The following ZMYM5 variants were observed in gnomAD, a reference collection of about 807,000 sequenced individuals.
ZMYM5 encodes the protein zinc finger MYM-type containing 5.
Under a neutral mutation model 61.8 loss-of-function variants are expected in ZMYM5, and 41 were observed. The ratio of observed to expected loss-of-function variants is 0.66; its 90% CI spans 0.52 to 0.86. The LOEUF is 0.86. Ranked by LOEUF, ZMYM5 falls within the 40% of genes least tolerant of loss-of-function variation. ZMYM5 has a pLI of 0.00. For missense variants in ZMYM5, 706 were observed against 786.7 expected (o/e 0.90, Z 1.23); for synonymous variants, 257 against 276.4 (o/e 0.93, Z 0.70).
At chr13:19,841,115 C>T (rs1326161333) in intron 4 of ZMYM5, among the ~76,000 whole-genome samples, 1 of 151,848 alleles carries the variant, frequency 6.6e-6, no homozygotes, top group Non-Finnish European at 1.5e-5. Context: ...CAGGAGCACG[C>T]CACCACACCT....
At chr13:19,829,638 C>G (rs1191868959) in intron 7 of ZMYM5, among the ~76,000 whole-genome samples, 1 of 152,066 alleles carries the variant, frequency 6.6e-6, no homozygotes, top group Non-Finnish European at 1.5e-5. Context: ...AGGAGGAGTA[C>G]AGTGGCTATT....
chr13:19,845,774 G>A (rs2138578132), intron 4 of ZMYM5, among the ~76,000 whole-genome samples: 1 of 152,184 alleles, frequency 6.6e-6, no homozygotes, highest in African/African-American at 2.4e-5. Context: ...AGAATTTCTG[G>A]GCCAGCTTTC....
At chr13:19,837,464 T>C (rs965388236) in intron 6 of ZMYM5, 192 bp downstream of exon 6, 4 of 1,572,856 alleles carry the variant, frequency 2.5e-6, no homozygotes, top group African/African-American at 1.4e-5. Context: ...GTACTTTCCA[T>C]GCTATGCAAA....
chr13:19,837,317 C>G, intron 6 of ZMYM5: 1 of 838,946 alleles, frequency 1.2e-6, no homozygotes, highest in Non-Finnish European at 1.6e-6. Flanking sequence ...CCACGTCCGG[C>G]CCCAAGGGGT....
chr13:19,837,482 T>C, intron 6 of ZMYM5, 174 bp downstream of exon 6: 2 of 1,580,094 alleles, frequency 1.3e-6, no homozygotes, highest in East Asian at 2.3e-5. Context: ...AAATGGAATT[T>C]TATTTATAAA....
chr13:19,851,259 G>T, intron 4 of ZMYM5, 96 bp downstream of exon 4: 1 of 1,159,862 alleles, frequency 8.6e-7, no homozygotes, highest in Non-Finnish European at 1.2e-6. Flanking sequence ...AAAAAGCAAA[G>T]CCACAGAATG....
rs370875470 is a variant in ZMYM5 at position 19,843,369 on chromosome 13, C to CAAAAAAAAA, written c.587-4393_587-4385dup. 12 of 58,242 alleles carry CAAAAAAAAA rather than the reference C, an allele frequency of 2.1e-4. 1 individual carries two copies. The highest frequency in any genetic ancestry group is 6.5e-4 in the East Asian group (1 of 1,530). 3.6% of individuals were successfully genotyped at this position (58,242 alleles called of 1,614,324 possible). A position where few individuals can be genotyped will look rare whatever the true frequency, so the allele number is the denominator to read the frequency against. ...CCGAGATTGCGCCACTGCACTCCAG[C>CAAAAAAAAA]AAAAAAAAAAAAAAAAAAAAAAAAA... is the stretch of plus-strand genomic sequence containing the variant. On this transcript the variant is annotated intron_variant, in intron 4 of 7. Transcript: ENST00000337963.
intron 6 of ZMYM5, 55 bp from the exon 7 acceptor site, chr13:19,835,744 C>A (rs1463621577): frequency 8.0e-7 from 1 of 1,256,528 alleles, no homozygotes; most frequent in African/African-American, 1.5e-5. Context: ...ATTAGCATAG[C>A]AAGCAATGAG....
At chr13:19,862,592 T>C in intron 1 of ZMYM5, 126 bp from the exon 2 acceptor site, 1 of 151,854 alleles carries the variant, frequency 6.6e-6, no homozygotes, top group Non-Finnish European at 1.5e-5. Flanking sequence ...TCCCCCACCC[T>C]AATGTTACCG....
At chr13:19,844,556 C>A (rs567085706) in intron 4 of ZMYM5, among the ~76,000 whole-genome samples, 4 of 152,222 alleles carry the variant, frequency 2.6e-5, no homozygotes, top group African/African-American at 9.6e-5. Context: ...TATGATGATA[C>A]CACCTTTCAG....
At chr13:19,845,355 T>C (rs1307748176) in intron 4 of ZMYM5, among the ~76,000 whole-genome samples, 1 of 152,220 alleles carries the variant, frequency 6.6e-6, no homozygotes, top group East Asian at 1.9e-4. Flanking sequence ...TTTGCATTAA[T>C]GATGGAAATG....
chr13:19,835,769 C>A, intron 6 of ZMYM5, 80 bp from the exon 7 acceptor site: 1 of 1,036,232 alleles, frequency 9.7e-7, no homozygotes, highest in Non-Finnish European at 1.3e-6. Flanking sequence ...CTAGTTTCTG[C>A]AATAGAAGCA....
chr13:19,841,639 C>A (rs565477306), intron 4 of ZMYM5, among the ~76,000 whole-genome samples: 3 of 150,670 alleles, frequency 2.0e-5, no homozygotes, highest in Admixed American at 1.3e-4. Flanking sequence ...TATAATGCAA[C>A]AAAAATACAA....
rs1055587817 is a variant in ZMYM5 at position 19,837,398 on chromosome 13, C to T, written c.1038+258G>A. On this transcript the variant is annotated intron_variant, in intron 6 of 7. Transcript: ENST00000337963. The stretch of plus-strand genomic sequence containing the variant: ...TTAATGTCATCAGTAATAACAAAAT[C>T]CACCATAAAACAATTGCCTTGTTTA... The T allele has an allele frequency of 8.9e-6, 13 of 1,457,242 alleles. No homozygotes were observed. In the African/African-American group the frequency reaches 1.3e-4, roughly 15 times the overall value. The allele number at this position is 1,457,242 out of a possible 1,614,324, so 90.3% of individuals were successfully genotyped here.
intron 7 of ZMYM5, among the ~76,000 whole-genome samples, chr13:19,828,535 T>C (rs1437529485): frequency 6.6e-6 from 1 of 152,176 alleles, no homozygotes; most frequent in Non-Finnish European, 1.5e-5. Flanking sequence ...AGATGTGACA[T>C]GATCAAATTT....
intron 7 of ZMYM5, among the ~76,000 whole-genome samples, chr13:19,828,111 T>G (rs1174682073): frequency 6.6e-6 from 1 of 151,726 alleles, no homozygotes; most frequent in Non-Finnish European, 1.5e-5. Context: ...TGCAATGCAG[T>G]GAAAGAAAAT....
At chr13:19,825,359 C>T (rs549153731) in intron 7 of ZMYM5, 124 bp from the exon 8 acceptor site, 39 of 955,600 alleles carry the variant, frequency 4.1e-5, no homozygotes, top group East Asian at 2.0e-4. Flanking sequence ...AAAAAGACGA[C>T]GACGGTCGGG....
intron 4 of ZMYM5, among the ~76,000 whole-genome samples, chr13:19,844,316 TA>T (rs1953000943): frequency 6.6e-6 from 1 of 151,974 alleles, no homozygotes; most frequent in African/African-American, 2.4e-5. Context: ...TTTCAAAAAA[TA>T]AATAAGTAAA....
In ZMYM5 at chr13:19,852,023, T is replaced by A. The variant is rs1953325235; in HGVS notation, c.158A>T (p.Asp53Val). The part of the protein sequence containing the change: ...VSRSRNSPVE[D>V]DDDDDDVVFI... ...CACAACATCATCATCATCATCATCA[T>A]CTTCCACTGGTGAGTTCCTAGATCT... Residue 53 changes from aspartate (D) to valine (V), a missense_variant, in exon 3 of 8, where the codon GAT (aspartate) becomes GTT (valine). Asp to Val is a radical substitution (Grantham distance 152, BLOSUM62 -3). Transcript: ENST00000337963. 6.2e-7 allele frequency: 1 copy of A among 1,613,872 alleles called. No homozygotes were observed.
Sources: allele counts gnomAD v4.1 joint callset (sites outside exome capture counted in the v4.1 genomes callset), GRCh38; gene constraint gnomAD v4.1.1; transcripts MANE v1.5; gene names NCBI Gene and HGNC (gene_info 2026-07-23, HGNC 2026-07-21).